Variants in ABCB5 observed in about 807,000 individuals in gnomAD.
The protein encoded by ABCB5 is ATP binding cassette subfamily B member 5.
Under a neutral mutation model 144.2 loss-of-function variants are expected in ABCB5, and 155 were observed. The ratio of observed to expected loss-of-function variants is 1.08; its 90% confidence interval spans 0.94 to 1.23. ABCB5 has a LOEUF of 1.23. Ranked by LOEUF, ABCB5 falls within the 50% of genes most tolerant of loss-of-function variation. ABCB5 has a pLI of 0.00. For missense variants in ABCB5, 1,830 were observed against 1,520.8 expected (o/e 1.20, Z -3.38); for synonymous variants, 610 against 528.6 (o/e 1.15, Z -2.11).
chr7:20,684,126 TTTA>T (rs1252546762), intron 15 of ABCB5, among the ~76,000 whole-genome samples: 1 of 152,190 alleles, frequency 6.6e-6, no homozygotes, highest in Non-Finnish European at 1.5e-5. Context: ...TGTAATAAAT[TTTA>T]TTATGTTATT....
intron 1 of ABCB5, among the ~76,000 whole-genome samples, chr7:20,622,327 G>C (rs1224772169): frequency 1.3e-5 from 2 of 152,142 alleles, no homozygotes; most frequent in African/African-American, 4.8e-5. Flanking sequence ...CAGTTTAGCA[G>C]TTGTAAATAT....
intron 5 of ABCB5, among the ~76,000 whole-genome samples, chr7:20,634,258 G>GTC (rs1246315933): frequency 4.7e-5 from 7 of 149,924 alleles, no homozygotes; most frequent in Admixed American, 2.7e-4. Context: ...GTGTGTGTGT[G>GTC]TGTGTGTGTG....
chr7:20,650,740 T>G (rs898255873), intron 12 of ABCB5, among the ~76,000 whole-genome samples: 1 of 152,196 alleles, frequency 6.6e-6, no homozygotes, highest in African/African-American at 2.4e-5. Flanking sequence ...CTGGCTTTAT[T>G]TAAATTTTAC....
intron 26 of ABCB5, among the ~76,000 whole-genome samples, chr7:20,748,574 C>T (rs542086153): frequency 2.8e-5 from 4 of 141,576 alleles, no homozygotes; most frequent in South Asian, 4.4e-4. Flanking sequence ...CACTTGAACC[C>T]GGGAGATGGA....
chr7:20,683,748 A>G (rs1384668859), intron 15 of ABCB5, among the ~76,000 whole-genome samples: 1 of 152,168 alleles, frequency 6.6e-6, no homozygotes, highest in Admixed American at 6.5e-5. Context: ...ATGGTACAGT[A>G]AATGTAACAT....
chr7:20,663,814 C>G (rs1785083284), intron 14 of ABCB5, among the ~76,000 whole-genome samples: 1 of 147,782 alleles, frequency 6.8e-6, no homozygotes, highest in African/African-American at 2.5e-5. Flanking sequence ...CTCTCAGGTT[C>G]AAGCGATTCT....
At chr7:20,727,227 A>T (rs1782065824) in intron 22 of ABCB5, 87 bp downstream of exon 22, 4 of 838,928 alleles carry the variant, frequency 4.8e-6, no homozygotes, top group South Asian at 1.9e-5. Flanking sequence ...TTTGCCTGCT[A>T]ATTCATTTGC....
At chr7:20,728,214 T>C (rs1161208954) in intron 22 of ABCB5, 101 bp from the exon 23 acceptor site, 10 of 1,376,740 alleles carry the variant, frequency 7.3e-6, no homozygotes, top group Non-Finnish European at 8.8e-6. Context: ...TTCCACCAAA[T>C]TATAACATTT....
rs575170660 is a variant in ABCB5, at chr7:20,753,497, C to T, written c.3567C>T (p.Asp1189=). Residue 1189 remains aspartate, a synonymous_variant, in exon 27 of 28, where the codon GAC becomes GAT. Transcript: ENST00000404938. ...AGGCCACTTCAGCCCTCGATAATGA[C>T]AGTGAGAAGGTAACATCATTTTCTT... ...LDEATSALDN[D]SEKVVQHALD... 3 of 1,612,338 alleles carry T rather than the reference C, an allele frequency of 1.9e-6. No homozygotes were observed. Among genetic ancestry groups the T allele is most frequent in the African/African-American group, 1.3e-5 (1 of 74,938 alleles).
chr7:20,632,569 T>G (rs1784060043), intron 5 of ABCB5, among the ~76,000 whole-genome samples: 1 of 152,130 alleles, frequency 6.6e-6, no homozygotes, highest in South Asian at 2.1e-4. Flanking sequence ...CACGTATGTT[T>G]ATTGCAGCAC....
At chr7:20,729,292 T>G (rs1782135894) in intron 23 of ABCB5, among the ~76,000 whole-genome samples, 1 of 152,226 alleles carries the variant, frequency 6.6e-6, no homozygotes, top group Admixed American at 6.5e-5. Context: ...AAAATATGCC[T>G]TCTTGTCATT....
At chr7:20,741,223 A>C (rs1343668267) in intron 24 of ABCB5, among the ~76,000 whole-genome samples, 1 of 151,810 alleles carries the variant, frequency 6.6e-6, no homozygotes, top group Non-Finnish European at 1.5e-5. Context: ...ATACTTTTGG[A>C]GTTTTTCATA....
rs10280562 is a variant in ABCB5, at chr7:20,715,091, C to G, written c.2422-7925C>G. 1.8e-3 allele frequency among the ~76,000 whole-genome samples: 280 copies of G among 152,278 alleles called. 2 individuals carry two copies. In the Middle Eastern group the frequency reaches 0.027, roughly 15 times the overall value. On this transcript the variant is annotated intron_variant, in intron 20 of 27. Coordinates refer to ENST00000404938, the MANE Select transcript of ABCB5 (RefSeq NM_001163941.2). The stretch of plus-strand genomic sequence containing the variant: ...ACAGAGTCTCATTCTGTTGCCCAAG[C>G]TGGAGTGCAGTGGCATGATCTCAAC...
At chr7:20,656,842 A>C (rs1180372232) in intron 13 of ABCB5, among the ~76,000 whole-genome samples, 2 of 152,128 alleles carry the variant, frequency 1.3e-5, no homozygotes, top group Admixed American at 6.6e-5. Context: ...AAAAATAGGA[A>C]ACAATTTAAG....
chr7:20,619,483 C>T lies in ABCB5; in HGVS notation c.-22+3646C>T, dbSNP rs144603573. Among the ~76,000 whole-genome samples the T allele has an allele frequency of 3.5e-3, 536 of 152,258 alleles. 8 individuals are homozygous for T. The East Asian group carries it at 0.05, about 14-fold the overall frequency. ...TTTGTTGGCCACTTGTATGTCTTCT[C>T]TTGAGAAGTGTTTGTTCATGTCCTT... On this transcript the variant is annotated intron_variant, in intron 1 of 27. Transcript: ENST00000404938.
intron 1 of ABCB5, among the ~76,000 whole-genome samples, chr7:20,622,448 T>C (rs1008276669): frequency 3.9e-5 from 6 of 152,162 alleles, no homozygotes; most frequent in Non-Finnish European, 8.8e-5. Context: ...TCTGATCCAC[T>C]TTCAATGAGA....
At chr7:20,687,382 T>A in intron 16 of ABCB5, among the ~76,000 whole-genome samples, 1 of 152,202 alleles carries the variant, frequency 6.6e-6, no homozygotes, top group East Asian at 1.9e-4. Flanking sequence ...GCTCCACACA[T>A]GGAAACTGAT....
At chr7:20,743,152 C>T (rs1562589787) in intron 25 of ABCB5, 78 bp downstream of exon 25, 1 of 1,490,150 alleles carries the variant, frequency 6.7e-7, no homozygotes, top group East Asian at 2.4e-5. Flanking sequence ...TTAAGCATCC[C>T]CACTGGTTTG....
intron 15 of ABCB5, 121 bp from the exon 16 acceptor site, chr7:20,685,575 T>G: frequency 1.2e-6 from 1 of 843,236 alleles, no homozygotes; most frequent in Non-Finnish European, 1.8e-6. Context: ...CAGCAAGAAC[T>G]ACATTAGAAT....
Sources: gnomAD v4.1 joint callset for allele counts (sites outside exome capture counted in the v4.1 genomes callset) on GRCh38, gnomAD v4.1.1 for gene constraint, MANE v1.5 for transcripts, NCBI Gene and HGNC (gene_info 2026-07-23, HGNC 2026-07-21) for gene names.